Variants in ATL2 observed in about 807,000 individuals in gnomAD.
The protein encoded by ATL2 is atlastin-2.
ATL2 carries 31 observed loss-of-function variants against 73.9 expected under a neutral mutation model. That is an observed-to-expected ratio of 0.42 (90% confidence interval 0.32 to 0.57). The LOEUF is 0.57. Among genes scored for constraint, ATL2 ranks in the 20% least tolerant of loss-of-function variants. The probability of loss-of-function intolerance (pLI) is 0.14; values close to 1 mark genes in which losing one functional copy is unlikely to be tolerated. For synonymous variants in ATL2, 291 were observed against 237.5 expected (o/e 1.23, Z -2.07); for missense variants, 738 against 702.6 (o/e 1.05, Z -0.57).
chr2:38,312,286 G>A (rs1667795618), intron 7 of ATL2, among the ~76,000 whole-genome samples: 1 of 152,148 alleles, frequency 6.6e-6, no homozygotes, highest in African/African-American at 2.4e-5. Flanking sequence ...GGGCCTGGTT[G>A]GAGGTGATTC....
chr2:38,355,391 C>G (rs1312989052), intron 1 of ATL2, among the ~76,000 whole-genome samples: 4 of 152,154 alleles, frequency 2.6e-5, no homozygotes, highest in African/African-American at 7.2e-5. Context: ...GCTGGGATTA[C>G]AGGCGTGAGC....
intron 1 of ATL2, among the ~76,000 whole-genome samples, chr2:38,373,738 T>G (rs1264569014): frequency 2.0e-5 from 3 of 152,224 alleles, no homozygotes; most frequent in Admixed American, 6.5e-5. Flanking sequence ...TAAAAGTTAT[T>G]TTGGCTTTGC....
At chr2:38,297,942 T>C in intron 12 of ATL2, 1 of 560,318 alleles carries the variant, frequency 1.8e-6, no homozygotes, top group Non-Finnish European at 3.1e-6. Context: ...ATAGTACAGA[T>C]TTAGGCTAAC....
At chr2:38,332,792 T>C (rs1669075783) in intron 2 of ATL2, among the ~76,000 whole-genome samples, 1 of 152,216 alleles carries the variant, frequency 6.6e-6, no homozygotes, top group Non-Finnish European at 1.5e-5. Context: ...CAATGTGACA[T>C]AAATCTTATG....
chr2:38,372,872 A>G (rs941250636), intron 1 of ATL2, among the ~76,000 whole-genome samples: 1 of 152,208 alleles, frequency 6.6e-6, no homozygotes, highest in Admixed American at 6.6e-5. Context: ...AGCATTTTAC[A>G]GCTAAAATTT....
intron 1 of ATL2, among the ~76,000 whole-genome samples, chr2:38,372,334 A>C (rs78820705): frequency 0.046 from 7,008 of 152,202 alleles, 527 homozygotes; most frequent in African/African-American, 0.16. Context: ...ATTATTCCCC[A>C]AGCATACAGT....
chr2:38,334,299 G>A (rs1296181816), intron 2 of ATL2, among the ~76,000 whole-genome samples: 1 of 151,368 alleles, frequency 6.6e-6, no homozygotes, highest in African/African-American at 2.4e-5. Flanking sequence ...TAAAGTGCTG[G>A]GATTACAGGC....
At chr2:38,373,897 C>G (rs1261763738) in intron 1 of ATL2, among the ~76,000 whole-genome samples, 3 of 152,098 alleles carry the variant, frequency 2.0e-5, no homozygotes, top group Non-Finnish European at 4.4e-5. Flanking sequence ...TCCTGCTATC[C>G]TTTTTATGGG....
At chr2:38,310,177 A>G in intron 8 of ATL2, 132 bp downstream of exon 8, 2 of 1,044,760 alleles carry the variant, frequency 1.9e-6, no homozygotes, top group Non-Finnish European at 2.8e-6. Context: ...GAGCATTACA[A>G]CCACAACATG....
At chr2:38,312,473 G>A (rs993445425) in intron 7 of ATL2, among the ~76,000 whole-genome samples, 3 of 152,052 alleles carry the variant, frequency 2.0e-5, no homozygotes, top group Non-Finnish European at 4.4e-5. Context: ...CACTTTGGGA[G>A]GCCGAGGTAG....
chr2:38,319,605 A>C (rs1274059611), intron 2 of ATL2, among the ~76,000 whole-genome samples: 1 of 55,270 alleles, frequency 1.8e-5, no homozygotes, highest in East Asian at 2.6e-4. Context: ...CCTCAAAAAC[A>C]AAAAAAAAAA....
chr2:38,339,873 T>A, intron 2 of ATL2, among the ~76,000 whole-genome samples: 1 of 152,042 alleles, frequency 6.6e-6, no homozygotes, highest in East Asian at 1.9e-4. Context: ...GTATTTTTAG[T>A]AGAGATGGGT....
At chr2:38,369,652 T>G (rs1349824781) in intron 1 of ATL2, among the ~76,000 whole-genome samples, 1 of 151,572 alleles carries the variant, frequency 6.6e-6, no homozygotes, top group Non-Finnish European at 1.5e-5. Flanking sequence ...CTCAGGAGAC[T>G]AAGGCAGGAG....
At chr2:38,365,025 C>A (rs1286443535) in intron 1 of ATL2, among the ~76,000 whole-genome samples, 1 of 146,232 alleles carries the variant, frequency 6.8e-6, no homozygotes, top group Non-Finnish European at 1.5e-5. Flanking sequence ...GCCTGGGGTA[C>A]AGAGCGAGAC....
chr2:38,376,124 A>G, intron 1 of ATL2: 1 of 1,519,526 alleles, frequency 6.6e-7, no homozygotes, highest in Non-Finnish European at 8.9e-7. Context: ...ACCAAATCGT[A>G]GGCTTTTACT....
chr2:38,319,183 G>T (rs545824590), intron 2 of ATL2, among the ~76,000 whole-genome samples, 164 bp from the exon 3 acceptor site: 1 of 152,232 alleles, frequency 6.6e-6, no homozygotes, highest in Non-Finnish European at 1.5e-5. Flanking sequence ...TAAATCCCAT[G>T]TGGGGTTCTT....
At chr2:38,353,380 G>A (rs903256226) in intron 1 of ATL2, among the ~76,000 whole-genome samples, 2 of 152,106 alleles carry the variant, frequency 1.3e-5, no homozygotes, top group South Asian at 4.1e-4. Context: ...CTTGCAAAGA[G>A]ATCAAAAGAG....
At chr2:38,312,272 G>C (rs1340452783) in intron 7 of ATL2, among the ~76,000 whole-genome samples, 1 of 152,164 alleles carries the variant, frequency 6.6e-6, no homozygotes, top group African/African-American at 2.4e-5. Flanking sequence ...ATGTGTCGGG[G>C]GAGGGGCCTG....
intron 1 of ATL2, among the ~76,000 whole-genome samples, chr2:38,355,643 G>C (rs971810951): frequency 3.3e-5 from 5 of 149,482 alleles, no homozygotes; most frequent in African/African-American, 1.2e-4. Flanking sequence ...AATACACGAA[G>C]CAAAAATTCA....
Sources: allele counts gnomAD v4.1 joint callset (sites outside exome capture counted in the v4.1 genomes callset), GRCh38; gene constraint gnomAD v4.1.1; transcripts MANE v1.5; gene names NCBI Gene and HGNC (gene_info 2026-07-23, HGNC 2026-07-21).